Variants in ITGB5 observed in about 807,000 individuals in gnomAD.
The protein encoded by ITGB5 is integrin beta-5.
ITGB5 carries 38 observed loss-of-function variants against 84.8 expected under a neutral mutation model. The observed-to-expected ratio is 0.45, with a 90% CI of 0.35 to 0.59. The LOEUF is 0.59. Ranked by LOEUF, ITGB5 falls within the 20% of genes least tolerant of loss-of-function variation. The pLI is 0.01. For missense variants in ITGB5, 905 were observed against 1,034.5 expected, an observed-to-expected ratio of 0.87 and a Z score of 1.72; for synonymous variants, 393 against 414.4, an observed-to-expected ratio of 0.95 and a Z score of 0.63.
upstream of ITGB5, among the ~76,000 whole-genome samples, chr3:124,890,200 CTTTTTTTTTTTT>C (rs138123708): frequency 1.1e-5 from 1 of 93,216 alleles, no homozygotes; most frequent in Non-Finnish European, 2.0e-5. Flanking sequence ...ACTTATCTAG[CTTTTTTTTTTTT>C]TTTTTTTTGG....
At chr3:124,871,352 G>A (rs1934038669) in intron 2 of ITGB5, among the ~76,000 whole-genome samples, 1 of 152,112 alleles carries the variant, frequency 6.6e-6, no homozygotes. Flanking sequence ...ATGACACCAC[G>A]CCTGGCTAAT....
chr3:124,788,681 G>C (rs1229174679), intron 10 of ITGB5, among the ~76,000 whole-genome samples: 3 of 152,252 alleles, frequency 2.0e-5, no homozygotes, highest in Admixed American at 6.5e-5. Flanking sequence ...GGTTTCTGAA[G>C]CTCTGCCTGG....
At chr3:124,827,521 C>CAAT (rs1340475482) in intron 5 of ITGB5, among the ~76,000 whole-genome samples, 1 of 152,186 alleles carries the variant, frequency 6.6e-6, no homozygotes, top group African/African-American at 2.4e-5. Flanking sequence ...TTCAAAACTA[C>CAAT]AATAAGATCC....
At chr3:124,832,054 G>A (rs1035833959) in intron 5 of ITGB5, among the ~76,000 whole-genome samples, 3 of 152,196 alleles carry the variant, frequency 2.0e-5, no homozygotes, top group African/African-American at 7.2e-5. Context: ...AAAATCCTGA[G>A]GGCTGATAGA....
intron 2 of ITGB5, chr3:124,862,166 G>A: frequency 6.6e-6 from 1 of 152,270 alleles, no homozygotes; most frequent in East Asian, 1.9e-4. Flanking sequence ...CTGCTTCTGA[G>A]GAACTGACTA....
intron 7 of ITGB5, among the ~76,000 whole-genome samples, chr3:124,818,934 T>C (rs2064654379): frequency 6.6e-6 from 1 of 152,014 alleles, no homozygotes; most frequent in Non-Finnish European, 1.5e-5. Context: ...TGGAGAGGGA[T>C]TCCAGATTAA....
chr3:124,819,494 TG>T (rs2064664012), intron 7 of ITGB5, among the ~76,000 whole-genome samples: 1 of 151,914 alleles, frequency 6.6e-6, no homozygotes, highest in African/African-American at 2.4e-5. Context: ...CCCAAAAAAA[TG>T]GGAATTCATG....
upstream of ITGB5, among the ~76,000 whole-genome samples, chr3:124,892,452 G>A (rs573711377): frequency 1.1e-4 from 17 of 151,352 alleles, no homozygotes; most frequent in Non-Finnish European, 1.9e-4. Context: ...TGGGAGGAAG[G>A]GGGGAGGGAG....
intron 5 of ITGB5, among the ~76,000 whole-genome samples, chr3:124,834,551 AGCGGG>A (rs557946806): frequency 1.3e-4 from 1 of 8,000 alleles, no homozygotes; most frequent in South Asian, 5.5e-3. Flanking sequence ...GAGGGGAGGG[AGCGGG>A]GGGAGGGAGG....
intron 13 of ITGB5, 37 bp downstream of exon 13, chr3:124,766,189 T>G (rs1675496491): frequency 6.2e-7 from 1 of 1,601,364 alleles, no homozygotes; most frequent in African/African-American, 1.3e-5. Context: ...AACTGAGGGC[T>G]GGCTGAGTGG....
Position 124,769,029 on chromosome 3 carries a change from T to C in ITGB5, c.2001A>G (p.Thr667=), listed in dbSNP as rs1340943523. 1 of 1,612,466 alleles carries C rather than the reference T, an allele frequency of 6.2e-7. No individual in the cohort carries two copies. Among genetic ancestry groups the C allele is most frequent in the South Asian group, 1.1e-5 (1 of 91,018 alleles). The change falls in exon 12 of 15, where the codon ACA becomes ACG. Residue 667 remains threonine, a synonymous_variant. Coordinates refer to ENST00000296181, the MANE Select transcript of ITGB5 (RefSeq NM_002213.5). ...CHSLCRDEVI[T]WVDTIVKDDQ... is the part of the protein sequence containing the mutation. The stretch of plus-strand genomic sequence containing the variant: ...CACACTCACCGATGGTGTCCACCCA[T>C]GTGATCACCTCATCCCTGCATAGGC...
chr3:124,848,325 T>C lies in ITGB5; in HGVS notation c.595A>G (p.Thr199Ala), dbSNP rs1256073315. The change falls in exon 4 of 15, where the codon ACC (threonine) becomes GCC (alanine). Residue 199 changes from threonine to alanine, a missense_variant. Physicochemically the swap from Thr to Ala is moderately conservative, Grantham distance 58. Transcript: ENST00000296181. ...PFSYTAPRYQ[T>A]NPCIGYKLFP... ...GTCACTTACCCAATGCACGGATTGG[T>C]CTGGTACCTCGGTGCCGTGTAGGAG... 3.1e-6 allele frequency: 5 copies of C among 1,614,154 alleles called. No homozygotes were observed. Among genetic ancestry groups the C allele is most frequent in the Admixed American group, 1.7e-5 (1 of 60,024 alleles).
rs750948302 is a variant in ITGB5, at chr3:124,848,555, T to A, written c.365A>T (p.Asp122Val). The change falls in exon 4 of 15, where the codon GAC becomes GTC. Residue 122 changes from aspartate to valine, a missense_variant. Coordinates refer to ENST00000296181, the MANE Select transcript of ITGB5 (RefSeq NM_002213.5). ...QEIAVNLRPGDKTTFQLQVRQ... is the reference protein window; with the variant it reads ...QEIAVNLRPGVKTTFQLQVRQ... ...AACCTGTAGCTGGAAGGTGGTCTTGTCACCTGCACCAACAGAGAGGCCACG... is the reference window on the plus strand; with the variant it reads ...AACCTGTAGCTGGAAGGTGGTCTTGACACCTGCACCAACAGAGAGGCCACG... 9.3e-6 allele frequency: 15 copies of A among 1,610,462 alleles called. No individual in the cohort carries two copies. The highest frequency in any genetic ancestry group is 1.3e-5 in the Non-Finnish European group (15 of 1,179,110).
chr3:124,873,541 A>AAG lies in ITGB5; in HGVS notation c.71-12_71-11dup. ...GTGCATATGTTGAGACCTTTAAAGC[A>AAG]AGATAAAGATGCACTAATTAGTTCC... On this transcript the variant is annotated splice_polypyrimidine_tract_variant and intron_variant, in intron 1 of 14. Coordinates refer to ENST00000296181, the MANE Select transcript of ITGB5 (RefSeq NM_002213.5). 1.3e-6 allele frequency: 2 copies of AAG among 1,593,202 alleles called. No homozygotes were observed.
At chr3:124,845,351 T>C (rs887244531) in intron 4 of ITGB5, among the ~76,000 whole-genome samples, 3 of 152,182 alleles carry the variant, frequency 2.0e-5, no homozygotes, top group African/African-American at 7.2e-5. Flanking sequence ...GGAGAATCAC[T>C]TGAACCCAGG....
chr3:124,798,055 C>CTTTTTTTTTTTTTTTTTTTTTTTTTTT (rs60292129), intron 9 of ITGB5, among the ~76,000 whole-genome samples: 3 of 103,656 alleles, frequency 2.9e-5, no homozygotes, highest in Non-Finnish European at 1.9e-5. Context: ...TAGAATAAAG[C>CTTTTTTTTTTTTTTTTTTTTTTTTTTT]TTTTTTTTTT....
chr3:124,893,312 G>A (rs146478561), intron 1 of ITGB5, among the ~76,000 whole-genome samples: 3 of 152,252 alleles, frequency 2.0e-5, no homozygotes, highest in African/African-American at 7.2e-5. Context: ...GGAGGCTGAG[G>A]TATGATAGTT....
At chr3:124,803,704 G>A (rs1456486247) in intron 9 of ITGB5, among the ~76,000 whole-genome samples, 1 of 152,210 alleles carries the variant, frequency 6.6e-6, no homozygotes, top group Non-Finnish European at 1.5e-5. Context: ...ATGGTGCAGG[G>A]GGGCTCAGTC....
chr3:124,836,016 C>T (rs1468061480), intron 5 of ITGB5, among the ~76,000 whole-genome samples: 2 of 152,164 alleles, frequency 1.3e-5, no homozygotes, highest in Admixed American at 1.3e-4. Flanking sequence ...AGAAGTGGCA[C>T]TGGCTGGCAC....
Sources: allele counts gnomAD v4.1 joint callset (sites outside exome capture counted in the v4.1 genomes callset), GRCh38; gene constraint gnomAD v4.1.1; transcripts MANE v1.5; gene names NCBI Gene and HGNC (gene_info 2026-07-23, HGNC 2026-07-21).